The following NFX1 variants were observed in gnomAD, a reference collection of about 807,000 sequenced individuals.
NFX1 encodes transcriptional repressor NF-X1.
In NFX1, 69 loss-of-function variants were observed where a neutral mutation model predicts 137.2. The observed-to-expected ratio is 0.50, with a 90% CI of 0.41 to 0.61. The LOEUF (loss-of-function observed/expected upper bound fraction) is 0.61, where lower values mean the gene tolerates loss of function less well. NFX1 is among the 20% of genes least tolerant of loss of function. NFX1 has a pLI of 0.00. For missense variants in NFX1, 1,167 were observed against 1,391.0 expected, an observed-to-expected ratio of 0.84 and a Z score of 2.56; for synonymous variants, 495 against 474.1, an observed-to-expected ratio of 1.04 and a Z score of -0.57.
chr9:33,296,492 C>A (rs1391286900), intron 2 of NFX1, among the ~76,000 whole-genome samples: 1 of 152,186 alleles, frequency 6.6e-6, no homozygotes, highest in Non-Finnish European at 1.5e-5. Flanking sequence ...CTTGGGGAGG[C>A]TGAGGTGAGA....
intron 9 of NFX1, 139 bp downstream of exon 9, chr9:33,319,266 C>A: frequency 2.8e-6 from 2 of 723,862 alleles, no homozygotes; most frequent in South Asian, 1.9e-5. Flanking sequence ...TATGTAGGTA[C>A]GTTTTCTTTC....
intron 3 of NFX1, among the ~76,000 whole-genome samples, chr9:33,302,528 A>ATT (rs879769268): frequency 1.4e-5 from 2 of 143,056 alleles, no homozygotes; most frequent in Non-Finnish European, 3.1e-5. Context: ...CATCCAGCTA[A>ATT]TTTTTTTTTT....
Position 33,290,534 on chromosome 9 carries a change from A to G in NFX1, c.-39A>G, listed in dbSNP as rs830576. The stretch of plus-strand genomic sequence containing the variant: ...GGCACGTGACCTGGTGACAGTGCTG[A>G]CTTGGCTGTACAGCTCGATCTAGGT... On this transcript the variant is annotated 5_prime_UTR_variant, in exon 1 of 24. Coordinates refer to ENST00000379540, the MANE Select transcript of NFX1 (RefSeq NM_002504.6). 0.84 allele frequency: 1,354,188 copies of G among 1,612,200 alleles called. 569,329 individuals are homozygous for G. The highest frequency in any genetic ancestry group is 0.85 in the Non-Finnish European group (997,360 of 1,178,576).
chr9:33,340,629 T>C (rs1434211678), intron 12 of NFX1, among the ~76,000 whole-genome samples: 1 of 152,244 alleles, frequency 6.6e-6, no homozygotes, highest in African/African-American at 2.4e-5. Context: ...TCTCTCACAT[T>C]GTCAGGCTGC....
intron 5 of NFX1, 152 bp downstream of exon 5, chr9:33,307,451 T>A: frequency 1.6e-6 from 1 of 632,784 alleles, no homozygotes; most frequent in Admixed American, 2.9e-5. Context: ...TGCCAGGCAC[T>A]CTACATCAGT....
At chr9:33,340,469 G>A (rs1380543213) in intron 12 of NFX1, among the ~76,000 whole-genome samples, 1 of 152,206 alleles carries the variant, frequency 6.6e-6, no homozygotes, top group Non-Finnish European at 1.5e-5. Context: ...GAGCCTCCAG[G>A]CCTGTCATGG....
chr9:33,353,896 G>C (rs1823727641), intron 17 of NFX1, among the ~76,000 whole-genome samples, 190 bp from the exon 18 acceptor site: 1 of 151,920 alleles, frequency 6.6e-6, no homozygotes, highest in Admixed American at 6.6e-5. Context: ...CACCATATTG[G>C]CCAGGCTGGT....
Position 33,351,657 on chromosome 9 carries a change from G to T in NFX1, c.2522G>T (p.Cys841Phe), listed in dbSNP as rs770450230. 6.2e-7 allele frequency: 1 copy of T among 1,614,168 alleles called. No individual in the cohort carries two copies. Among genetic ancestry groups the T allele is most frequent in the Non-Finnish European group, 8.5e-7 (1 of 1,180,038 alleles). ...PCGMHKCQRL[C>F]HKGECLVDEP... ...GGGATGCACAAATGTCAGAGACTCT[G>T]TCACAAAGGGGAGTGTCTTGTGGAT... The change falls in exon 16 of 24, where the codon TGT becomes TTT. Residue 841 changes from cysteine (C) to phenylalanine (F), a missense_variant. Cys to Phe is a radical substitution (Grantham distance 205). This residue lies in a region of NFX1 where 488 missense variants were observed against 691.5 expected (regional missense o/e 0.71). Transcript: ENST00000379540.
At chr9:33,309,229 C>G (rs1461469602) in intron 5 of NFX1, among the ~76,000 whole-genome samples, 1 of 151,976 alleles carries the variant, frequency 6.6e-6, no homozygotes, top group Non-Finnish European at 1.5e-5. Flanking sequence ...TGGTGGTGGG[C>G]ACCTGTAGTC....
intron 7 of NFX1, among the ~76,000 whole-genome samples, chr9:33,315,099 G>A (rs1008796016): frequency 2.0e-5 from 3 of 152,016 alleles, no homozygotes; most frequent in African/African-American, 7.2e-5. Context: ...GTTGGCGGGC[G>A]CCGGTAATCC....
At chr9:33,319,469 C>A (rs887374783) in intron 9 of NFX1, among the ~76,000 whole-genome samples, 1 of 152,130 alleles carries the variant, frequency 6.6e-6, no homozygotes, top group Non-Finnish European at 1.5e-5. Flanking sequence ...GTGTTGAAAA[C>A]CCTTTTCACA....
chr9:33,318,894 T>C lies in NFX1; in HGVS notation c.1689-16T>C, dbSNP rs1166146403. 4 of 1,614,090 alleles carry C rather than the reference T, an allele frequency of 2.5e-6. No individual in the cohort carries two copies. Among genetic ancestry groups the C allele is most frequent in the Non-Finnish European group, 3.4e-6 (4 of 1,180,020 alleles). On this transcript the variant is annotated splice_polypyrimidine_tract_variant and intron_variant, in intron 8 of 23. Coordinates refer to ENST00000379540, the MANE Select transcript of NFX1 (RefSeq NM_002504.6). ...ACTTTATGCAACAATTATGTAATAG[T>C]GTGTTTTCTTAACAGGGACTTGAAA...
intron 5 of NFX1, 31 bp downstream of exon 5, chr9:33,307,330 G>A: frequency 6.4e-7 from 1 of 1,573,878 alleles, no homozygotes; most frequent in Non-Finnish European, 8.7e-7. Flanking sequence ...CGTTGGGATT[G>A]CTGGTGGACA....
At chr9:33,334,378 T>A (rs1822921343) in intron 11 of NFX1, among the ~76,000 whole-genome samples, 1 of 152,136 alleles carries the variant, frequency 6.6e-6, no homozygotes. Flanking sequence ...ATTGCTTGAG[T>A]CCAGGAGTTT....
intron 16 of NFX1, 145 bp downstream of exon 16, chr9:33,351,935 T>A: frequency 1.3e-6 from 1 of 744,228 alleles, no homozygotes; most frequent in Non-Finnish European, 2.0e-6. Context: ...AAAGGTAGAG[T>A]AAGTCATACA....
rs775712673 is a variant in NFX1 at position 33,301,309 on chromosome 9, G to T, written c.1080G>T (p.Val360=). The change falls in exon 3 of 24, where the codon GTG becomes GTT. Residue 360 remains valine (V), a synonymous_variant. Coordinates refer to ENST00000379540, the MANE Select transcript of NFX1 (RefSeq NM_002504.6). ...CAACAGAAAAATACGAGTGCATGGT[G>T]TGCTGTGAATTGGTTCGTGTCACGG... ...QLTTEKYECM[V]CCELVRVTAP... The T allele has an allele frequency of 3.1e-6, 5 of 1,614,186 alleles. No homozygotes were observed. The highest frequency in any genetic ancestry group is 4.2e-6 in the Non-Finnish European group (5 of 1,180,020).
chr9:33,291,306 C>G (rs1821151978), intron 1 of NFX1, among the ~76,000 whole-genome samples: 1 of 152,202 alleles, frequency 6.6e-6, no homozygotes, highest in Non-Finnish European at 1.5e-5. Flanking sequence ...AAATATTGTA[C>G]ACTTACATAA....
chr9:33,309,851 G>T (rs1040694109), intron 5 of NFX1, among the ~76,000 whole-genome samples: 46 of 152,266 alleles, frequency 3.0e-4, no homozygotes, highest in African/African-American at 1.1e-3. Context: ...CAGTGTTGTG[G>T]ACCTCTGGTC....
intron 11 of NFX1, among the ~76,000 whole-genome samples, chr9:33,336,995 G>C (rs996197617): frequency 6.6e-6 from 1 of 152,004 alleles, no homozygotes; most frequent in Non-Finnish European, 1.5e-5. Flanking sequence ...CCAGCTACTC[G>C]GGAGGCTGAG....
Sources: allele counts gnomAD v4.1 joint callset (sites outside exome capture counted in the v4.1 genomes callset), GRCh38; gene constraint gnomAD v4.1.1; regional missense constraint gnomAD v4.1.1; transcripts MANE v1.5; gene names NCBI Gene and HGNC (gene_info 2026-07-23, HGNC 2026-07-21).